The following UBXN2B variants were observed in gnomAD, a reference collection of about 807,000 sequenced individuals.
UBXN2B encodes the protein UBX domain protein 2B, also known as UBX domain-containing protein 2B.
A neutral mutation model predicts 37.5 loss-of-function variants in UBXN2B; 19 were observed. The observed-to-expected ratio is 0.51, with a 90% CI of 0.35 to 0.74. The LOEUF (loss-of-function observed/expected upper bound fraction) is 0.74. UBXN2B is among the 30% of genes least tolerant of loss of function. UBXN2B has a pLI of 0.01. For synonymous variants in UBXN2B, 145 were observed against 143.8 expected, an observed-to-expected ratio of 1.01 and a Z score of -0.06; for missense variants, 370 against 393.2, an observed-to-expected ratio of 0.94 and a Z score of 0.50.
chr8:58,416,822 A>G (rs754675983), intron 1 of UBXN2B, 28 bp from the exon 2 acceptor site: 18 of 1,595,222 alleles, frequency 1.1e-5, no homozygotes, highest in Admixed American at 1.7e-5. Context: ...CTAGTGTTAT[A>G]CTTTGTAACA....
Position 58,423,929 on chromosome 8 carries a change from C to T in UBXN2B, c.189-6590C>T, listed in dbSNP as rs1157593351. 2.6e-5 allele frequency among the ~76,000 whole-genome samples: 4 copies of T among 151,170 alleles called. No homozygotes were observed. The East Asian group carries it at 5.8e-4, about 22-fold the overall frequency. Reference sequence around the variant, plus strand: ...CAAAAGCCAAACTGTAATTGGTCATCGGCTGGAAAAAAAAAAAGCTACACC... The same window carrying T: ...CAAAAGCCAAACTGTAATTGGTCATTGGCTGGAAAAAAAAAAAGCTACACC... On this transcript the variant is annotated intron_variant, in intron 2 of 7. Transcript: ENST00000399598.
intron 2 of UBXN2B, among the ~76,000 whole-genome samples, chr8:58,421,320 A>T (rs1475692477): frequency 6.6e-6 from 1 of 151,618 alleles, no homozygotes; most frequent in Non-Finnish European, 1.5e-5. Context: ...AAGGCCACAC[A>T]CTAGACATGA....
At chr8:58,426,450 C>T (rs1007617681) in intron 2 of UBXN2B, 25 of 650,178 alleles carry the variant, frequency 3.8e-5, no homozygotes, top group East Asian at 1.8e-4. Context: ...CTTTGTGATC[C>T]GCCCTCCTCA....
At chr8:58,414,559 TTTG>T (rs2129603605) in intron 1 of UBXN2B, among the ~76,000 whole-genome samples, 1 of 152,338 alleles carries the variant, frequency 6.6e-6, no homozygotes, top group Non-Finnish European at 1.5e-5. Flanking sequence ...TTGAGATTTT[TTTG>T]TTGTGTTAGT....
intron 2 of UBXN2B, among the ~76,000 whole-genome samples, chr8:58,420,307 C>A (rs527933682): frequency 2.6e-5 from 4 of 152,238 alleles, no homozygotes; most frequent in African/African-American, 9.6e-5. Context: ...AATTAACATC[C>A]ACTAATGTTT....
intron 5 of UBXN2B, among the ~76,000 whole-genome samples, chr8:58,438,861 C>A (rs1338322754): frequency 2.0e-5 from 3 of 152,016 alleles, no homozygotes; most frequent in Admixed American, 2.0e-4. Flanking sequence ...CTCCAAATCT[C>A]ATGTTGAAGT....
chr8:58,428,791 A>C (rs908989194), intron 2 of UBXN2B, among the ~76,000 whole-genome samples: 5 of 152,260 alleles, frequency 3.3e-5, no homozygotes, highest in African/African-American at 1.2e-4. Context: ...AAGAACTGAC[A>C]GTAGACCATG....
At chr8:58,414,246 T>C (rs1388380747) in intron 1 of UBXN2B, among the ~76,000 whole-genome samples, 1 of 152,236 alleles carries the variant, frequency 6.6e-6, no homozygotes, top group Non-Finnish European at 1.5e-5. Context: ...TTGTCAGAGA[T>C]TGCTGGGCCC....
rs1294777993 is a variant in UBXN2B, at chr8:58,451,293, C to T, written c.*3742C>T. ...CATCCAGGAGGGATGAACAGTATTT[C>T]ATGTGTGCTATGTAGTGTTTTGCTT... On this transcript the variant is annotated 3_prime_UTR_variant, in exon 8 of 8. Transcript: ENST00000399598. 6.6e-6 allele frequency: 1 copy of T among 152,140 alleles called. No homozygotes were observed. Among genetic ancestry groups the T allele is most frequent in the Non-Finnish European group, 1.5e-5 (1 of 68,018 alleles). The allele number at this position is 152,140 out of a possible 1,614,324, so 9.4% of individuals were successfully genotyped here.
At chr8:58,441,840 G>C (rs1444242010) in intron 6 of UBXN2B, among the ~76,000 whole-genome samples, 1 of 152,166 alleles carries the variant, frequency 6.6e-6, no homozygotes, top group African/African-American at 2.4e-5. Flanking sequence ...TCAAGATTTT[G>C]ATTATGGAAA....
intron 2 of UBXN2B, among the ~76,000 whole-genome samples, chr8:58,424,018 C>T (rs1808006074): frequency 6.6e-6 from 1 of 151,580 alleles, no homozygotes; most frequent in African/African-American, 2.4e-5. Flanking sequence ...CAAAGGTAGA[C>T]CAGTCAGCTT....
chr8:58,440,983 T>C (rs909274314), intron 6 of UBXN2B, among the ~76,000 whole-genome samples: 4 of 151,774 alleles, frequency 2.6e-5, no homozygotes, highest in African/African-American at 9.7e-5. Context: ...CACGTCAGGC[T>C]TCTCTTTCTT....
At chr8:58,430,806 A>G (rs971461113) in intron 3 of UBXN2B, 137 bp downstream of exon 3, 45 of 719,178 alleles carry the variant, frequency 6.3e-5, no homozygotes, top group Non-Finnish European at 8.8e-5. Context: ...TAAAATTATA[A>G]TATTTCTATT....
chr8:58,420,714 T>C (rs973588475), intron 2 of UBXN2B, among the ~76,000 whole-genome samples: 1 of 152,184 alleles, frequency 6.6e-6, no homozygotes, highest in Non-Finnish European at 1.5e-5. Context: ...TTGTCAAAAT[T>C]AGTTTGATAT....
chr8:58,424,865 CT>C, intron 2 of UBXN2B: 2 of 1,245,398 alleles, frequency 1.6e-6, no homozygotes, highest in Non-Finnish European at 2.4e-6. Flanking sequence ...TGGACCATCC[CT>C]GACCTCTGAG....
At chr8:58,429,639 T>C (rs1808195652) in intron 2 of UBXN2B, among the ~76,000 whole-genome samples, 1 of 151,634 alleles carries the variant, frequency 6.6e-6, no homozygotes, top group Admixed American at 6.6e-5. Flanking sequence ...TATTCTAATT[T>C]AGGAGAAAGC....
chr8:58,415,746 G>T (rs930338190), intron 1 of UBXN2B, among the ~76,000 whole-genome samples: 1 of 151,972 alleles, frequency 6.6e-6, no homozygotes, highest in African/African-American at 2.4e-5. Flanking sequence ...CCTAAGTTAC[G>T]ATTTGAATTC....
At chr8:58,429,291 CTG>C (rs1585606967) in intron 2 of UBXN2B, among the ~76,000 whole-genome samples, 1 of 152,098 alleles carries the variant, frequency 6.6e-6, no homozygotes, top group East Asian at 1.9e-4. Context: ...CTTTGCTTTT[CTG>C]TGTTTGTCGT....
At chr8:58,426,877 C>T (rs1356936686) in intron 2 of UBXN2B, among the ~76,000 whole-genome samples, 1 of 152,134 alleles carries the variant, frequency 6.6e-6, no homozygotes, top group African/African-American at 2.4e-5. Context: ...GGCTGGCTTG[C>T]TCCTCCTCCC....
Sources: gnomAD v4.1 joint callset for allele counts (sites outside exome capture counted in the v4.1 genomes callset) on GRCh38, gnomAD v4.1.1 for gene constraint, MANE v1.5 for transcripts, NCBI Gene and HGNC (gene_info 2026-07-23, HGNC 2026-07-21) for gene names.